The following ADCY2 variants were observed in gnomAD, a reference collection of about 807,000 sequenced individuals.
ADCY2 encodes adenylate cyclase 2.
In ADCY2, 31 loss-of-function variants were observed where a neutral mutation model predicts 125.2. That is an observed-to-expected ratio of 0.25 (90% CI 0.19 to 0.33). The LOEUF (loss-of-function observed/expected upper bound fraction) is 0.33. ADCY2 is among the 10% of genes least tolerant of loss of function. The pLI is 1.00. For synonymous variants in ADCY2, 512 were observed against 548.4 expected, an observed-to-expected ratio of 0.93 and a Z score of 0.93; for missense variants, 904 against 1,418.2, an observed-to-expected ratio of 0.64 and a Z score of 5.82.
At chr5:7,637,431 CAAA>C (rs71591740) in intron 4 of ADCY2, among the ~76,000 whole-genome samples, 1 of 74,634 alleles carries the variant, frequency 1.3e-5, no homozygotes, top group Non-Finnish European at 2.9e-5. Context: ...GACTCCGTCT[CAAA>C]AAAAAAAAAA....
At chr5:7,544,013 C>T in intron 3 of ADCY2, among the ~76,000 whole-genome samples, 1 of 70,702 alleles carries the variant, frequency 1.4e-5, no homozygotes, top group East Asian at 4.8e-4. Flanking sequence ...GACTCCGTCT[C>T]AAAAAAAAAA....
intron 4 of ADCY2, among the ~76,000 whole-genome samples, chr5:7,681,785 TAA>T (rs151303682): frequency 5.9e-5 from 9 of 151,832 alleles, no homozygotes; most frequent in African/African-American, 2.2e-4. Flanking sequence ...CAAAACCATT[TAA>T]AAAAAGGGGG....
At chr5:7,702,646 G>T (rs1159530678) in intron 7 of ADCY2, among the ~76,000 whole-genome samples, 2 of 152,160 alleles carry the variant, frequency 1.3e-5, no homozygotes, top group African/African-American at 4.8e-5. Context: ...ATTTGGGTTG[G>T]TTCCAAGTCT....
chr5:7,566,487 A>G (rs1431162574), intron 3 of ADCY2, among the ~76,000 whole-genome samples: 1 of 152,120 alleles, frequency 6.6e-6, no homozygotes, highest in Non-Finnish European at 1.5e-5. Flanking sequence ...CAGAGCTAAG[A>G]ACCTGTCTCT....
intron 3 of ADCY2, among the ~76,000 whole-genome samples, chr5:7,525,532 C>A (rs1734427822): frequency 6.6e-6 from 1 of 151,910 alleles, no homozygotes; most frequent in Non-Finnish European, 1.5e-5. Flanking sequence ...GAATCGGGAG[C>A]CCTGACTTTT....
At chr5:7,697,065 TTC>T (rs1303374988) in intron 6 of ADCY2, among the ~76,000 whole-genome samples, 1 of 152,068 alleles carries the variant, frequency 6.6e-6, no homozygotes, top group Admixed American at 6.6e-5. Flanking sequence ...TCAGATGACA[TTC>T]TCTCCTCTAC....
chr5:7,423,396 C>T (rs1330374032), intron 2 of ADCY2, among the ~76,000 whole-genome samples: 3 of 152,176 alleles, frequency 2.0e-5, no homozygotes, highest in Non-Finnish European at 4.4e-5. Flanking sequence ...CCCATAGTCC[C>T]CATGTGTCTT....
intron 2 of ADCY2, among the ~76,000 whole-genome samples, chr5:7,457,174 C>A (rs1451820796): frequency 6.6e-6 from 1 of 152,184 alleles, no homozygotes; most frequent in African/African-American, 2.4e-5. Context: ...TTACTATACT[C>A]ATCTGCATTG....
chr5:7,427,569 T>A (rs899455069), intron 2 of ADCY2, among the ~76,000 whole-genome samples: 3 of 151,972 alleles, frequency 2.0e-5, no homozygotes, highest in Non-Finnish European at 4.4e-5. Context: ...CCACAACACG[T>A]AGGGATTATG....
At chr5:7,531,405 G>T (rs983863275) in intron 3 of ADCY2, among the ~76,000 whole-genome samples, 2 of 152,008 alleles carry the variant, frequency 1.3e-5, no homozygotes, top group African/African-American at 4.8e-5. Context: ...GAATCTCTTC[G>T]ACCACCCCCC....
chr5:7,658,786 C>T (rs2126690453), intron 4 of ADCY2, among the ~76,000 whole-genome samples: 1 of 152,320 alleles, frequency 6.6e-6, no homozygotes, highest in African/African-American at 2.4e-5. Context: ...GGTGAACTTA[C>T]ATGCTGGACC....
At chr5:7,655,465 C>T (rs183624545) in intron 4 of ADCY2, among the ~76,000 whole-genome samples, 104 of 152,288 alleles carry the variant, frequency 6.8e-4, no homozygotes, top group South Asian at 1.2e-3. Flanking sequence ...AATCCCAGCT[C>T]ACGAGAAAAA....
chr5:7,498,125 G>T (rs1743404431), intron 2 of ADCY2, among the ~76,000 whole-genome samples: 1 of 151,800 alleles, frequency 6.6e-6, no homozygotes, highest in Non-Finnish European at 1.5e-5. Flanking sequence ...GACAAGTGTG[G>T]GAGAACAGTA....
At chr5:7,676,665 T>G (rs1740137141) in intron 4 of ADCY2, among the ~76,000 whole-genome samples, 1 of 152,218 alleles carries the variant, frequency 6.6e-6, no homozygotes, top group South Asian at 2.1e-4. Context: ...AAGAATTATT[T>G]GCCAAATGTT....
intron 3 of ADCY2, among the ~76,000 whole-genome samples, chr5:7,524,049 AAG>A (rs60825402): frequency 0.02 from 3,120 of 152,294 alleles, 126 homozygotes; most frequent in African/African-American, 0.071. Context: ...CCTGCTGCAT[AAG>A]AGAGTTCATT....
chr5:7,655,129 G>T (rs1240979748), intron 4 of ADCY2, among the ~76,000 whole-genome samples: 1 of 152,152 alleles, frequency 6.6e-6, no homozygotes, highest in African/African-American at 2.4e-5. Flanking sequence ...CATGACTGAG[G>T]GCTGGGACTA....
At chr5:7,598,320 T>G (rs1454536553) in intron 3 of ADCY2, among the ~76,000 whole-genome samples, 3 of 152,012 alleles carry the variant, frequency 2.0e-5, no homozygotes, top group Non-Finnish European at 2.9e-5. Flanking sequence ...AGGGTAGGGG[T>G]GAGCCTAAAT....
intron 3 of ADCY2, among the ~76,000 whole-genome samples, chr5:7,585,980 T>G (rs546623609): frequency 3.5e-4 from 53 of 152,378 alleles, no homozygotes; most frequent in African/African-American, 1.3e-3. Flanking sequence ...GTAAAACATG[T>G]AATTATATGC....
At chr5:7,786,604 C>T (rs145274153) in intron 19 of ADCY2, among the ~76,000 whole-genome samples, 68 of 152,296 alleles carry the variant, frequency 4.5e-4, no homozygotes, top group Non-Finnish European at 8.4e-4. Context: ...GCAACAGGTA[C>T]AGTACTACTT....
Sources: allele counts gnomAD v4.1 joint callset (sites outside exome capture counted in the v4.1 genomes callset), GRCh38; gene constraint gnomAD v4.1.1; transcripts MANE v1.5; gene names NCBI Gene and HGNC (gene_info 2026-07-23, HGNC 2026-07-21).